PDE10A: variants seen among roughly 807,000 people sequenced by gnomAD.
PDE10A encodes the protein cAMP and cAMP-inhibited cGMP 3',5'-cyclic phosphodiesterase 10A.
PDE10A carries 39 observed loss-of-function variants against 97.7 expected under a neutral mutation model. The ratio of observed to expected loss-of-function variants is 0.40; its 90% confidence interval spans 0.31 to 0.52. PDE10A has a LOEUF of 0.52. Ranked by LOEUF, PDE10A falls within the 20% of genes least tolerant of loss-of-function variation. The pLI, the probability that PDE10A is intolerant of heterozygous loss-of-function variation, is 0.56. For missense variants in PDE10A, 731 were observed against 1,047.8 expected, an observed-to-expected ratio of 0.70 and a Z score of 4.17; for synonymous variants, 371 against 376.8, an observed-to-expected ratio of 0.98 and a Z score of 0.18.
intron 1 of PDE10A, among the ~76,000 whole-genome samples, chr6:165,823,798 G>T (rs6920450): frequency 0.33 from 49,435 of 151,592 alleles, 9,121 homozygotes; most frequent in Middle Eastern, 0.44. Flanking sequence ...ACGTCACTGG[G>T]TGATAGGAGT....
intron 1 of PDE10A, among the ~76,000 whole-genome samples, chr6:165,849,500 T>C (rs1251966057): frequency 2.0e-5 from 3 of 152,264 alleles, no homozygotes; most frequent in Non-Finnish European, 2.9e-5. Flanking sequence ...CTAGGAAATA[T>C]GTTCTCTTCT....
intron 1 of PDE10A, among the ~76,000 whole-genome samples, chr6:165,937,184 C>A (rs1383489044): frequency 6.6e-6 from 1 of 152,198 alleles, no homozygotes; most frequent in Non-Finnish European, 1.5e-5. Flanking sequence ...ACCCACTGGG[C>A]TTGGCCATCA....
At chr6:165,835,386 A>G (rs1342528390) in intron 1 of PDE10A, among the ~76,000 whole-genome samples, 1 of 152,020 alleles carries the variant, frequency 6.6e-6, no homozygotes, top group Non-Finnish European at 1.5e-5. Context: ...CTGTCCAACA[A>G]TTTTCCTTTA....
In PDE10A at chr6:165,662,451, G is replaced by C. The variant is rs1021602760; in HGVS notation, c.361C>G (p.Pro121Ala). ...AAAGAGGGAGGGGGCGGGGGGGGCG[G>C]CGGCCAGAAGTAAAAGAAAGATGGA... Reference protein sequence around the residue: ...SSPSFFYFWPPPPPPPPSFLP... With the variant: ...SSPSFFYFWPAPPPPPPSFLP... The change falls in exon 1 of 22, where the codon CCG becomes GCG. Residue 121 changes from proline to alanine, a missense_variant. Around this residue, in one of 8 missense-constraint regions of PDE10A, gnomAD observed 181 missense variants for 159.1 expected, o/e 1.14. Transcript: ENST00000539869. The C allele has an allele frequency of 2.7e-5, 4 of 148,742 alleles. No individual in the cohort carries two copies. Among genetic ancestry groups the C allele is most frequent in the African/African-American group, 9.9e-5 (4 of 40,560 alleles). The allele number at this position is 148,742 out of a possible 1,614,324, so 9.2% of individuals were successfully genotyped here.
At chr6:165,659,491 G>C (rs1248209431) in intron 1 of PDE10A, among the ~76,000 whole-genome samples, 1 of 152,242 alleles carries the variant, frequency 6.6e-6, no homozygotes, top group Non-Finnish European at 1.5e-5. Flanking sequence ...AAAAAGTAAA[G>C]AGTGTCAGAG....
chr6:165,421,041 A>G (rs1468322739), intron 10 of PDE10A, among the ~76,000 whole-genome samples: 1 of 152,256 alleles, frequency 6.6e-6, no homozygotes, highest in Non-Finnish European at 1.5e-5. Context: ...TATTAAAAAC[A>G]GAGTTTATTC....
chr6:165,553,892 T>C (rs1784130881), intron 1 of PDE10A, among the ~76,000 whole-genome samples: 1 of 152,074 alleles, frequency 6.6e-6, no homozygotes, highest in Non-Finnish European at 1.5e-5. Context: ...CCCACCAAAA[T>C]TTACCCTTTC....
intron 1 of PDE10A, among the ~76,000 whole-genome samples, chr6:165,699,801 AT>A (rs1791524642): frequency 6.6e-6 from 1 of 152,222 alleles, no homozygotes; most frequent in African/African-American, 2.4e-5. Context: ...AAGACATAGC[AT>A]ACCAAAACTT....
chr6:165,696,621 A>G (rs1315505814), intron 1 of PDE10A, among the ~76,000 whole-genome samples: 1 of 152,204 alleles, frequency 6.6e-6, no homozygotes, highest in East Asian at 1.9e-4. Flanking sequence ...GTGAACAACT[A>G]TGAGATATGT....
At chr6:165,497,269 T>C (rs1227223846) in intron 2 of PDE10A, among the ~76,000 whole-genome samples, 1 of 151,840 alleles carries the variant, frequency 6.6e-6, no homozygotes, top group African/African-American at 2.4e-5. Flanking sequence ...AATGACACCA[T>C]CCCATCCCAT....
At chr6:165,421,177 C>A (rs1183657605) in intron 10 of PDE10A, among the ~76,000 whole-genome samples, 2 of 152,196 alleles carry the variant, frequency 1.3e-5, no homozygotes, top group African/African-American at 2.4e-5. Flanking sequence ...TGTGGTGGCT[C>A]ATGCCTGTAA....
intron 18 of PDE10A, among the ~76,000 whole-genome samples, chr6:165,361,809 C>G (rs1362896297): frequency 1.3e-5 from 2 of 152,126 alleles, no homozygotes; most frequent in East Asian, 3.9e-4. Flanking sequence ...CCAGAAGGAA[C>G]CAACGTTGCC....
rs576317496 is a variant in PDE10A at position 165,350,782 on chromosome 6, T to C, written c.2784-7280A>G. On this transcript the variant is annotated intron_variant, in intron 18 of 21. Transcript: ENST00000539869. Reference sequence around the variant, plus strand: ...GTGAGTTAGTTCTCACAAGAGCTGATGGTTTTGTAAGGGGCTTCCCTCTTC... The same window carrying C: ...GTGAGTTAGTTCTCACAAGAGCTGACGGTTTTGTAAGGGGCTTCCCTCTTC... Among the ~76,000 whole-genome samples the C allele has an allele frequency of 1.1e-4, 17 of 152,276 alleles. No individual in the cohort carries two copies. The South Asian group carries it at 3.5e-3, about 32-fold the overall frequency.
At chr6:165,634,075 C>A (rs536810935) in intron 1 of PDE10A, among the ~76,000 whole-genome samples, 30 of 152,102 alleles carry the variant, frequency 2.0e-4, no homozygotes, top group Non-Finnish European at 2.9e-4. Context: ...CTCGCGATGA[C>A]TGACAAGCTG....
At chr6:165,501,314 C>T (rs1179028801) in intron 2 of PDE10A, among the ~76,000 whole-genome samples, 1 of 152,156 alleles carries the variant, frequency 6.6e-6, no homozygotes, top group Non-Finnish European at 1.5e-5. Context: ...GTAATCCCAG[C>T]ACTTTGGGAG....
chr6:165,971,043 A>C (rs1784654901), intron 1 of PDE10A, among the ~76,000 whole-genome samples: 1 of 152,060 alleles, frequency 6.6e-6, no homozygotes. Flanking sequence ...AATTACTCGG[A>C]AGGCTGAGGC....
At chr6:165,346,728 G>A (rs981008985) in intron 18 of PDE10A, among the ~76,000 whole-genome samples, 41 of 152,156 alleles carry the variant, frequency 2.7e-4, no homozygotes, top group African/African-American at 7.9e-4. Flanking sequence ...ACAATCCCAC[G>A]CCACACACTC....
intron 1 of PDE10A, among the ~76,000 whole-genome samples, chr6:165,950,897 T>A (rs909900693): frequency 3.0e-4 from 45 of 152,210 alleles, no homozygotes; most frequent in African/African-American, 1.0e-3. Flanking sequence ...CGTTGGGAGA[T>A]CTGATCTCTC....
intron 1 of PDE10A, among the ~76,000 whole-genome samples, chr6:165,883,738 G>A (rs1781552775): frequency 6.6e-6 from 1 of 152,032 alleles, no homozygotes; most frequent in South Asian, 2.1e-4. Context: ...GAGCCTGAGA[G>A]GAACACGAGG....
Sources: gnomAD v4.1 joint callset for allele counts (sites outside exome capture counted in the v4.1 genomes callset) on GRCh38, gnomAD v4.1.1 for gene constraint, gnomAD v4.1.1 regional missense constraint, MANE v1.5 for transcripts, NCBI Gene and HGNC (gene_info 2026-07-23, HGNC 2026-07-21) for gene names.